FRMPD4: variants seen among roughly 807,000 people sequenced by gnomAD.
FRMPD4 encodes the protein FERM and PDZ domain containing 4.
A neutral mutation model predicts 94.1 loss-of-function variants in FRMPD4; 22 were observed. The ratio of observed to expected loss-of-function variants is 0.23; its 90% CI spans 0.17 to 0.33. FRMPD4 has a LOEUF of 0.33. FRMPD4 is among the 10% of genes least tolerant of loss of function. The pLI is 1.00. For synonymous variants in FRMPD4, 631 were observed against 548.6 expected (o/e 1.15, Z -2.10); for missense variants, 1,111 against 1,339.9 (o/e 0.83, Z 2.67).
chrX:12,454,957 A>AAAAC (rs2057317516), intron 1 of FRMPD4, among the ~76,000 whole-genome samples: 1 of 110,581 alleles, frequency 9.0e-6, no homozygotes, highest in South Asian at 3.9e-4. Context: ...TTATTAAGTG[A>AAAAC]AAACAACTTA....
At chrX:12,147,627 C>T (rs1318102092) in intron 1 of FRMPD4, among the ~76,000 whole-genome samples, 1 of 111,587 alleles carries the variant, frequency 9.0e-6, no homozygotes, top group African/African-American at 3.3e-5. Context: ...GGGCAAATCC[C>T]CTGGTATTAA....
Position 12,057,708 on chromosome X carries a change from G to A in FRMPD4, c.95+179690G>A, listed in dbSNP as rs751461616. ...ATCAGGTTGCCACCAAGAGGGTGAC[G>A]AGCCTGGGGATCACCTTAGAATTCT... On this transcript the variant is annotated intron_variant, in intron 3 of 18. Coordinates refer to the FRMPD4 transcript ENST00000640291. Among the ~76,000 whole-genome samples, 6 of 111,258 alleles carry A rather than the reference G, an allele frequency of 5.4e-5. No individual in the cohort carries two copies. In the East Asian group the frequency reaches 1.1e-3, roughly 21 times the overall value.
intron 1 of FRMPD4, among the ~76,000 whole-genome samples, chrX:12,260,536 G>C (rs1380554224): frequency 8.9e-6 from 1 of 111,839 alleles, no homozygotes; most frequent in Non-Finnish European, 1.9e-5. Flanking sequence ...TTTCATGCCA[G>C]TTCCCTTTGA....
chrX:12,181,767 A>T (rs1330323228), intron 1 of FRMPD4, among the ~76,000 whole-genome samples: 1 of 111,523 alleles, frequency 9.0e-6, no homozygotes, highest in Non-Finnish European at 1.9e-5. Context: ...TTCCAAGTGC[A>T]GGGCCCCATG....
chrX:12,315,823 G>A (rs1244914824), intron 1 of FRMPD4, among the ~76,000 whole-genome samples: 2 of 111,665 alleles, frequency 1.8e-5, no homozygotes, highest in African/African-American at 6.5e-5. Context: ...GTTGATTTCT[G>A]TCCCTCAGGG....
At chrX:12,393,092 A>C (rs890000827) in intron 1 of FRMPD4, among the ~76,000 whole-genome samples, 4 of 112,643 alleles carry the variant, frequency 3.6e-5, no homozygotes, top group Non-Finnish European at 7.5e-5. Flanking sequence ...GAAATGTTGG[A>C]ACTTCTTCTT....
chrX:12,444,557 A>G (rs749379372), intron 1 of FRMPD4, among the ~76,000 whole-genome samples: 120 of 112,175 alleles, frequency 1.1e-3, no homozygotes, highest in Non-Finnish European at 1.7e-3. Flanking sequence ...ATCTTAGTCC[A>G]TTTTGTGTTG....
At chrX:12,719,462 G>A (rs768806986) in intron 16 of FRMPD4, among the ~76,000 whole-genome samples, 14 of 112,400 alleles carry the variant, frequency 1.2e-4, no homozygotes, top group African/African-American at 3.2e-4. Flanking sequence ...TCAATGGCAG[G>A]CATTCCCCTC....
At chrX:11,868,275 G>A (rs1216991750) in intron 2 of FRMPD4, among the ~76,000 whole-genome samples, 1 of 111,727 alleles carries the variant, frequency 9.0e-6, no homozygotes, top group East Asian at 2.8e-4. Context: ...TCATTTGGCA[G>A]AGATACTGTG....
chrX:11,969,573 G>A (rs10521620), intron 3 of FRMPD4, among the ~76,000 whole-genome samples: 4,646 of 111,646 alleles, frequency 0.042, 181 homozygotes, highest in East Asian at 0.23. Flanking sequence ...TTGGGTTTAA[G>A]TTGAAAGTTG....
intron 1 of FRMPD4, among the ~76,000 whole-genome samples, chrX:12,192,798 G>T (rs1193735352): frequency 9.0e-6 from 1 of 111,574 alleles, no homozygotes; most frequent in Non-Finnish European, 1.9e-5. Flanking sequence ...CCTGAGATTT[G>T]TATTTGTAAT....
At chrX:11,899,383 C>CTT (rs36015171) in intron 3 of FRMPD4, among the ~76,000 whole-genome samples, 3 of 82,700 alleles carry the variant, frequency 3.6e-5, no homozygotes, top group Admixed American at 1.3e-4. Flanking sequence ...GTGATGTTGA[C>CTT]TTTTTTTTTT....
intron 1 of FRMPD4, among the ~76,000 whole-genome samples, chrX:12,224,424 GT>G (rs991438517): frequency 2.7e-5 from 3 of 109,565 alleles, no homozygotes; most frequent in Admixed American, 9.8e-5. Flanking sequence ...TAATTTTTGT[GT>G]TTTTTGTAGA....
chrX:12,614,952 C>A, intron 4 of FRMPD4, 71 bp downstream of exon 4: 2 of 527,314 alleles, frequency 3.8e-6, no homozygotes, highest in Non-Finnish European at 6.2e-6. Flanking sequence ...TCTCAATTAG[C>A]AGAGGAAGAG....
In FRMPD4 at chrX:12,717,638, G is replaced by T. The variant is rs771844799; in HGVS notation, c.2812G>T (p.Ala938Ser). 1.6e-5 allele frequency: 19 copies of T among 1,210,696 alleles called. No homozygotes were observed. The South Asian group carries it at 3.3e-4, about 21-fold the overall frequency. ...AGAAAACCTCTCCCGCATGTTCTTGGCCACTCACGAAGGCTACCACCCCCT... is the reference window on the plus strand; with the variant it reads ...AGAAAACCTCTCCCGCATGTTCTTGTCCACTCACGAAGGCTACCACCCCCT... ...QSENLSRMFL[A>S]THEGYHPLAE... Residue 938 changes from alanine (A) to serine (S), a missense_variant, in exon 16 of 17, where the codon GCC (alanine) becomes TCC (serine). Transcript: ENST00000675598.
intron 1 of FRMPD4, among the ~76,000 whole-genome samples, chrX:12,258,250 G>T (rs2054140990): frequency 9.0e-6 from 1 of 111,448 alleles, no homozygotes. Flanking sequence ...AGTGTTGAGA[G>T]GTAGGACCTT....
chrX:11,835,206 A>G (rs1315136354), intron 1 of FRMPD4, among the ~76,000 whole-genome samples: 1 of 112,158 alleles, frequency 8.9e-6, no homozygotes, highest in Non-Finnish European at 1.9e-5. Flanking sequence ...AAGTACACTC[A>G]GAAGAGCCCA....
At chrX:12,331,974 ATATTTATATACTATATATAAATTATATAT>A (rs2055416023) in intron 1 of FRMPD4, among the ~76,000 whole-genome samples, 5 of 48,016 alleles carry the variant, frequency 1.0e-4, no homozygotes, top group African/African-American at 5.9e-4. Context: ...TAAATTATAT[ATATTTATATACTATATATAAATTATATAT>A]ATTTATATAC....
chrX:12,053,209 C>T (rs747632838), intron 3 of FRMPD4, among the ~76,000 whole-genome samples: 2 of 107,985 alleles, frequency 1.9e-5, no homozygotes, highest in Non-Finnish European at 3.8e-5. Context: ...TGTGGTGGTA[C>T]ATGCCTGTAA....
Sources: allele counts gnomAD v4.1 joint callset (sites outside exome capture counted in the v4.1 genomes callset), GRCh38; gene constraint gnomAD v4.1.1; transcripts MANE v1.5; gene names NCBI Gene and HGNC (gene_info 2026-07-23, HGNC 2026-07-21).